AKT3: variants seen among roughly 807,000 people sequenced by gnomAD.
AKT3 encodes RAC-gamma serine/threonine-protein kinase.
AKT3 carries 15 observed loss-of-function variants against 65.3 expected under a neutral mutation model. That is an observed-to-expected ratio of 0.23 (90% confidence interval 0.15 to 0.35). AKT3 has a LOEUF of 0.35. AKT3 is among the 10% of genes least tolerant of loss of function. AKT3 has a pLI of 1.00. For synonymous variants in AKT3, 206 were observed against 183.8 expected (o/e 1.12, Z -0.98); for missense variants, 243 against 576.5 (o/e 0.42, Z 5.92).
rs57576796 is a variant in AKT3 at position 243,616,307 on chromosome 1, T to TAAAAAAAAAAAA, written c.562-1158_562-1147dup. 1.8e-4 allele frequency among the ~76,000 whole-genome samples: 12 copies of TAAAAAAAAAAAA among 66,770 alleles called. 1 individual carries two copies. Among genetic ancestry groups the TAAAAAAAAAAAA allele is most frequent in the African/African-American group, 7.0e-4 (12 of 17,040 alleles). 43.8% of individuals were successfully genotyped at this position (66,770 alleles called of 152,430 possible). The stretch of plus-strand genomic sequence containing the variant: ...GACTACAGGTTTAATGTGCTTTTCT[T>TAAAAAAAAAAAA]AAAAAAAAAAAAAAAAAAAAAAAAA... On this transcript the variant is annotated intron_variant, in intron 6 of 13. Transcript: ENST00000673466.
intron 2 of AKT3, among the ~76,000 whole-genome samples, chr1:243,832,627 G>T (rs1034771211): frequency 7.2e-5 from 11 of 152,140 alleles, no homozygotes; most frequent in Admixed American, 7.2e-4. Flanking sequence ...AATGAGATTC[G>T]CACTGATGTG....
intron 2 of AKT3, among the ~76,000 whole-genome samples, chr1:243,828,659 T>C (rs1694320445): frequency 6.6e-6 from 1 of 152,200 alleles, no homozygotes; most frequent in Non-Finnish European, 1.5e-5. Flanking sequence ...TCTTACTTCA[T>C]TGTAAAAATA....
At chr1:243,771,155 C>T (rs1174974288) in intron 2 of AKT3, among the ~76,000 whole-genome samples, 1 of 152,144 alleles carries the variant, frequency 6.6e-6, no homozygotes, top group Non-Finnish European at 1.5e-5. Context: ...ATATTTAAGC[C>T]TCAGTTGAAA....
chr1:243,624,713 TA>T (rs1217692988), intron 6 of AKT3: 6 of 201,238 alleles, frequency 3.0e-5, no homozygotes, highest in Non-Finnish European at 6.5e-5. Context: ...AAGTAAGTCA[TA>T]ACCATTTCAC....
At chr1:243,565,851 TATTA>T (rs1425993279) in intron 9 of AKT3, among the ~76,000 whole-genome samples, 2 of 139,166 alleles carry the variant, frequency 1.4e-5, no homozygotes, top group African/African-American at 2.5e-5. Context: ...TATGCCCTTT[TATTA>T]ATTTTTAAAA....
intron 1 of AKT3, among the ~76,000 whole-genome samples, chr1:243,844,204 T>C (rs1289167330): frequency 6.6e-6 from 1 of 152,176 alleles, no homozygotes; most frequent in African/African-American, 2.4e-5. Context: ...CTTATGAGGA[T>C]ACTATTAATT....
intron 13 of AKT3, among the ~76,000 whole-genome samples, chr1:243,492,478 A>T (rs1666733850): frequency 6.8e-6 from 1 of 146,668 alleles, no homozygotes; most frequent in Non-Finnish European, 1.5e-5. Context: ...ATTTTTTTGT[A>T]TTTTTAATAG....
chr1:243,710,710 T>G (rs976577095), intron 2 of AKT3, among the ~76,000 whole-genome samples: 3 of 152,212 alleles, frequency 2.0e-5, no homozygotes, highest in Non-Finnish European at 4.4e-5. Context: ...TTAGGTTTAC[T>G]GACTTCCTCA....
At chr1:243,770,104 C>A (rs1690084001) in intron 2 of AKT3, among the ~76,000 whole-genome samples, 1 of 152,142 alleles carries the variant, frequency 6.6e-6, no homozygotes, top group Non-Finnish European at 1.5e-5. Flanking sequence ...TTGTTGAATA[C>A]CAATTAGCCA....
intron 3 of AKT3, among the ~76,000 whole-genome samples, chr1:243,686,245 GGTGTT>G (rs1374177837): frequency 2.6e-5 from 4 of 152,078 alleles, no homozygotes; most frequent in Admixed American, 2.6e-4. Context: ...CACAGAATTA[GGTGTT>G]ACTTCTTTAG....
At chr1:243,601,633 T>C (rs1558645258) in intron 8 of AKT3, among the ~76,000 whole-genome samples, 1 of 152,164 alleles carries the variant, frequency 6.6e-6, no homozygotes. Context: ...CGAGCTTTTA[T>C]TCTAATAGGC....
At chr1:243,629,267 A>G (rs1458731906) in intron 6 of AKT3, among the ~76,000 whole-genome samples, 1 of 151,860 alleles carries the variant, frequency 6.6e-6, no homozygotes, top group East Asian at 1.9e-4. Context: ...CAAGAGCAAA[A>G]CTCCATCTCA....
intron 2 of AKT3, among the ~76,000 whole-genome samples, chr1:243,718,292 T>A (rs1444621408): frequency 6.6e-6 from 1 of 152,184 alleles, no homozygotes; most frequent in African/African-American, 2.4e-5. Context: ...AGCCAACGAT[T>A]GTATGCATTC....
chr1:243,840,172 AAAAATAAAAT>A (rs1030095497), intron 2 of AKT3, among the ~76,000 whole-genome samples: 1 of 152,194 alleles, frequency 6.6e-6, no homozygotes, highest in Admixed American at 6.5e-5. Flanking sequence ...CTCCGTCTCA[AAAAATAAAAT>A]AAAATAAAAT....
chr1:243,744,511 G>T (rs1052525336), intron 2 of AKT3, among the ~76,000 whole-genome samples: 1 of 151,864 alleles, frequency 6.6e-6, no homozygotes, highest in Admixed American at 6.6e-5. Context: ...AGGCCGAGGC[G>T]GGTGGATCAC....
chr1:243,626,898 A>C (rs966484125), intron 6 of AKT3, among the ~76,000 whole-genome samples: 8 of 152,202 alleles, frequency 5.3e-5, no homozygotes, highest in African/African-American at 1.9e-4. Flanking sequence ...TACTGCAGAA[A>C]GCTTGTTAGT....
chr1:243,574,277 T>G (rs1343955734), intron 8 of AKT3, among the ~76,000 whole-genome samples: 1 of 141,276 alleles, frequency 7.1e-6, no homozygotes, highest in African/African-American at 2.5e-5. Context: ...CTTAACAGCA[T>G]ATTATAAGAT....
At chr1:243,584,451 C>G (rs1675644517) in intron 8 of AKT3, among the ~76,000 whole-genome samples, 1 of 152,110 alleles carries the variant, frequency 6.6e-6, no homozygotes, top group South Asian at 2.1e-4. Context: ...AAGCCAGTAA[C>G]ATCCTGATAC....
chr1:243,573,141 G>C, intron 8 of AKT3, 93 bp from the exon 9 acceptor site: 1 of 1,429,994 alleles, frequency 7.0e-7, no homozygotes. Context: ...TCACCATATT[G>C]TGATGATAGA....
Sources: allele counts gnomAD v4.1 joint callset (sites outside exome capture counted in the v4.1 genomes callset), GRCh38; gene constraint gnomAD v4.1.1; transcripts MANE v1.5; gene names NCBI Gene and HGNC (gene_info 2026-07-23, HGNC 2026-07-21).